PGM1: variants seen among roughly 807,000 people sequenced by gnomAD.
PGM1 encodes phosphoglucomutase 1, also known as phosphoglucomutase-1.
Under a neutral mutation model 55.6 loss-of-function variants are expected in PGM1, and 52 were observed. That is an observed-to-expected ratio of 0.94 (90% CI 0.75 to 1.18). The LOEUF (loss-of-function observed/expected upper bound fraction) is 1.18. Among genes scored for constraint, PGM1 ranks in the 50% most tolerant of loss-of-function variants. The pLI is 0.00. For synonymous variants in PGM1, 287 were observed against 271.7 expected (o/e 1.06, Z -0.55); for missense variants, 724 against 729.3 (o/e 0.99, Z 0.08).
At chr1:63,619,594 C>T (rs528172234) in intron 1 of PGM1, among the ~76,000 whole-genome samples, 1 of 152,310 alleles carries the variant, frequency 6.6e-6, no homozygotes, top group East Asian at 1.9e-4. Context: ...TTTCCAAAAA[C>T]ATATTGGTTT....
chr1:63,654,615 A>G (rs1649911095), intron 10 of PGM1, 149 bp downstream of exon 10: 2 of 707,296 alleles, frequency 2.8e-6, no homozygotes, highest in Non-Finnish European at 4.8e-6. Context: ...TCTCCATGTC[A>G]ACATTATAGA....
intron 1 of PGM1, among the ~76,000 whole-genome samples, chr1:63,627,042 C>T (rs1315284401): frequency 1.5e-5 from 2 of 134,494 alleles, no homozygotes; most frequent in African/African-American, 5.5e-5. Flanking sequence ...CATCTTGTGG[C>T]ATATGGCAGG....
intron 7 of PGM1, among the ~76,000 whole-genome samples, chr1:63,644,972 G>T (rs1276378187): frequency 6.6e-6 from 1 of 152,206 alleles, no homozygotes; most frequent in Non-Finnish European, 1.5e-5. Flanking sequence ...AAAAAGAATA[G>T]CTTTAGAAAC....
At chr1:63,646,478 C>G (rs1173781847) in intron 7 of PGM1, among the ~76,000 whole-genome samples, 1 of 152,016 alleles carries the variant, frequency 6.6e-6, no homozygotes, top group Non-Finnish European at 1.5e-5. Flanking sequence ...AGACAGATGT[C>G]TCCTTTAAGA....
In PGM1 at chr1:63,629,599, G is replaced by T. The variant is rs756928401; in HGVS notation, c.409+12G>T. On this transcript the variant is annotated intron_variant, in intron 2 of 10. Coordinates refer to ENST00000371084, the MANE Select transcript of PGM1 (RefSeq NM_002633.3). ...TATTTCTAATGGAGGTGAGTTTGCT[G>T]TCATTTTGAGGACAGGTAAGTTTAC... 1.2e-6 allele frequency: 2 copies of T among 1,612,488 alleles called. No homozygotes were observed. Among genetic ancestry groups the T allele is most frequent in the Admixed American group, 3.3e-5 (2 of 60,010 alleles).
intron 7 of PGM1, among the ~76,000 whole-genome samples, chr1:63,646,305 C>CA (rs1649643518): frequency 6.6e-6 from 1 of 152,006 alleles, no homozygotes; most frequent in South Asian, 2.1e-4. Context: ...AATAAGGCTC[C>CA]ATGTAGACTG....
intron 1 of PGM1, chr1:63,623,703 G>A (rs1393080702): frequency 6.2e-7 from 1 of 1,612,618 alleles, no homozygotes; most frequent in Admixed American, 1.7e-5. Flanking sequence ...GTGGAGATGG[G>A]CGGTACTTTA....
At position 63,593,725 on chromosome 1, in the gene PGM1, C is replaced by A. The variant is rs1224749304; in HGVS notation, c.237C>A (p.Ala79=). The stretch of plus-strand genomic sequence containing the variant: ...TCCAGCTCATCGCTCGCATCGCTGC[C>A]GCCAACGGGGTAAGGGATGCGCGGC... The part of the protein sequence containing the change: ...EAIQLIARIA[A]ANGIGRLVIG... The change falls in exon 1 of 11, where the codon GCC becomes GCA. Residue 79 remains alanine, a synonymous_variant. Transcript: ENST00000371084. 2.5e-6 allele frequency: 4 copies of A among 1,596,246 alleles called. No individual in the cohort carries two copies. Among genetic ancestry groups the A allele is most frequent in the Non-Finnish European group, 2.6e-6 (3 of 1,174,908 alleles).
At chr1:63,636,517 G>A (rs1413930597) in intron 6 of PGM1, 129 bp downstream of exon 6, 24 of 1,009,380 alleles carry the variant, frequency 2.4e-5, no homozygotes, top group South Asian at 2.2e-4. Context: ...TGTGCTGAGC[G>A]ATTCTTGTGT....
chr1:63,629,489 G>GA lies in PGM1; in HGVS notation c.316dup (p.Ile106AsnfsTer30), dbSNP rs1254266532. ...ACCCCTGCTGTATCCTGCATCATTA[G>GA]AAAAATCAAAGCCATTGGTGGGATC... On this transcript the variant is annotated frameshift_variant, in exon 2 of 11. Transcript: ENST00000371084. LOFTEE classifies it high-confidence loss of function. 1.2e-6 allele frequency: 2 copies of GA among 1,613,578 alleles called. No homozygotes were observed. The highest frequency in any genetic ancestry group is 2.7e-5 in the African/African-American group (2 of 74,874).
intron 1 of PGM1, among the ~76,000 whole-genome samples, chr1:63,618,267 A>G (rs1449728262): frequency 1.3e-5 from 2 of 152,212 alleles, no homozygotes; most frequent in Non-Finnish European, 2.9e-5. Context: ...CTCAAGTACT[A>G]TAGTATACTG....
Position 63,600,330 on chromosome 1 carries a change from AAAAG to A in PGM1, c.246+6600_246+6603del, listed in dbSNP as rs372915959. ...AATGCTCATGAAATTTTGTAGAAGA[AAAAG>A]AAAAACGTTCTCCCTTTCTGAGATA... is the stretch of plus-strand genomic sequence containing the variant. On this transcript the variant is annotated intron_variant, in intron 1 of 10. Coordinates refer to ENST00000371084, the MANE Select transcript of PGM1 (RefSeq NM_002633.3). 3.6e-3 allele frequency: 542 copies of A among 152,362 alleles called. 3 individuals carry two copies. The highest frequency in any genetic ancestry group is 0.011 in the African/African-American group (477 of 41,576). 9.4% of individuals were successfully genotyped at this position (152,362 alleles called of 1,614,324 possible).
intron 1 of PGM1, among the ~76,000 whole-genome samples, chr1:63,624,313 T>C (rs1403734829): frequency 6.6e-6 from 1 of 152,204 alleles, no homozygotes; most frequent in African/African-American, 2.4e-5. Flanking sequence ...GGGCACCTGC[T>C]TATAATGACC....
rs114031352 is a variant in PGM1, at chr1:63,597,602, A to G, written c.246+3868A>G. On this transcript the variant is annotated intron_variant, in intron 1 of 10. Transcript: ENST00000371084. ...AGAGCCCAATTGGGTACAAATGACA[A>G]AAACCTTACTTGGATTACTCCAAGT... 1.8e-3 allele frequency among the ~76,000 whole-genome samples: 280 copies of G among 152,322 alleles called. 1 individual carries two copies. The highest frequency in any genetic ancestry group is 6.5e-3 in the African/African-American group (272 of 41,564).
intron 1 of PGM1, among the ~76,000 whole-genome samples, chr1:63,603,821 G>A (rs1374889575): frequency 6.6e-6 from 1 of 152,224 alleles, no homozygotes; most frequent in African/African-American, 2.4e-5. Context: ...CTAAGACTGA[G>A]CAGGGGCCTG....
intron 1 of PGM1, among the ~76,000 whole-genome samples, chr1:63,595,744 G>A (rs1193237785): frequency 6.6e-6 from 1 of 152,100 alleles, no homozygotes; most frequent in Non-Finnish European, 1.5e-5. Flanking sequence ...CCCAAGAGTT[G>A]TCCTTAAGGA....
intron 7 of PGM1, among the ~76,000 whole-genome samples, chr1:63,646,990 C>T (rs1213875218): frequency 6.6e-6 from 1 of 151,886 alleles, no homozygotes; most frequent in African/African-American, 2.4e-5. Flanking sequence ...CGCCTGTAAT[C>T]CTAGCACTTT....
chr1:63,617,879 G>A (rs1557707703), intron 1 of PGM1, among the ~76,000 whole-genome samples: 1 of 147,692 alleles, frequency 6.8e-6, no homozygotes, highest in East Asian at 2.0e-4. Flanking sequence ...AGTGTGTGTG[G>A]TTTTTTTTTT....
At chr1:63,643,943 AAAAG>A (rs1247029117) in intron 7 of PGM1, among the ~76,000 whole-genome samples, 1 of 152,212 alleles carries the variant, frequency 6.6e-6, no homozygotes, top group African/African-American at 2.4e-5. Flanking sequence ...AATTGACAGA[AAAAG>A]AAAGAGACAG....
Sources: allele counts gnomAD v4.1 joint callset (sites outside exome capture counted in the v4.1 genomes callset), GRCh38; gene constraint gnomAD v4.1.1; transcripts MANE v1.5; gene names NCBI Gene and HGNC (gene_info 2026-07-23, HGNC 2026-07-21).